GALNT14: variants seen among roughly 807,000 people sequenced by gnomAD.
GALNT14 encodes the protein UDP-GalNAc:polypeptide N-acetylgalactosaminyltransferase 14.
In GALNT14, 60 loss-of-function variants were observed where a neutral mutation model predicts 77.5. The ratio of observed to expected loss-of-function variants is 0.77; its 90% confidence interval spans 0.63 to 0.96. The LOEUF is 0.96. Ranked by LOEUF, GALNT14 falls within the 40% of genes least tolerant of loss-of-function variation. The probability of loss-of-function intolerance (pLI) is 0.00; values close to 1 mark genes in which losing one functional copy is unlikely to be tolerated. For synonymous variants in GALNT14, 280 were observed against 281.7 expected, an observed-to-expected ratio of 0.99 and a Z score of 0.06; for missense variants, 710 against 731.0, an observed-to-expected ratio of 0.97 and a Z score of 0.33.
At chr2:31,046,144 A>G (rs1673441314) in intron 1 of GALNT14, among the ~76,000 whole-genome samples, 1 of 152,232 alleles carries the variant, frequency 6.6e-6, no homozygotes, top group Non-Finnish European at 1.5e-5. Context: ...TAAAAAAGAA[A>G]AAAATGAGAA....
chr2:30,922,774 C>T (rs1300145922), intron 13 of GALNT14, among the ~76,000 whole-genome samples: 2 of 152,244 alleles, frequency 1.3e-5, no homozygotes, highest in Non-Finnish European at 2.9e-5. Flanking sequence ...ACATTAGGCC[C>T]TTTGAGGGGC....
chr2:31,000,488 G>T (rs990424682), intron 1 of GALNT14, among the ~76,000 whole-genome samples: 1 of 141,666 alleles, frequency 7.1e-6, no homozygotes, highest in Non-Finnish European at 1.6e-5. Context: ...CACAGAAATT[G>T]AGAGGACAGA....
chr2:30,936,941 T>C (rs1026159479), intron 9 of GALNT14, among the ~76,000 whole-genome samples: 1 of 152,130 alleles, frequency 6.6e-6, no homozygotes, highest in Non-Finnish European at 1.5e-5. Context: ...CAATTACACG[T>C]AGGGAAGTTG....
At chr2:30,898,439 T>G in the GALNT14 span, among the ~76,000 whole-genome samples, 1 of 152,134 alleles carries the variant, frequency 6.6e-6, no homozygotes, top group Non-Finnish European at 1.5e-5. Context: ...CATATATAGG[T>G]GCCTGGCTCT....
At chr2:30,901,701 G>A in the GALNT14 span, among the ~76,000 whole-genome samples, 18 of 151,776 alleles carry the variant, frequency 1.2e-4, no homozygotes, top group South Asian at 6.3e-4. Context: ...GTGTGTGTGT[G>A]TATATATATA....
At chr2:30,957,145 G>A (rs980554291) in intron 4 of GALNT14, among the ~76,000 whole-genome samples, 1 of 152,000 alleles carries the variant, frequency 6.6e-6, no homozygotes, top group Non-Finnish European at 1.5e-5. Context: ...TGGCCTCCCT[G>A]CTTGGCTCTG....
chr2:31,111,191 T>G (rs1014860848), intron 1 of GALNT14, among the ~76,000 whole-genome samples: 1 of 152,148 alleles, frequency 6.6e-6, no homozygotes, highest in Non-Finnish European at 1.5e-5. Flanking sequence ...CCTGTTGAGC[T>G]ACCCAGCCTG....
intron 1 of GALNT14, among the ~76,000 whole-genome samples, chr2:31,094,085 AAAG>A: frequency 6.6e-6 from 1 of 152,340 alleles, no homozygotes; most frequent in Admixed American, 6.5e-5. Flanking sequence ...AAGATCCACA[AAAG>A]AAGTGAAAAT....
At chr2:30,979,996 C>T (rs1017586442) in intron 2 of GALNT14, among the ~76,000 whole-genome samples, 6 of 152,254 alleles carry the variant, frequency 3.9e-5, no homozygotes, top group African/African-American at 1.4e-4. Flanking sequence ...TGTGGCACTG[C>T]AGTCGCCTCC....
rs1400890052 is a variant in GALNT14 at position 30,989,686 on chromosome 2, T to C, written c.299+3152A>G. ...TATATATTAGTATATATAAAAAATA[T>C]ATATTAGTATATATATAAATATATA... On this transcript the variant is annotated intron_variant, in intron 2 of 14. Coordinates refer to ENST00000349752, the MANE Select transcript of GALNT14 (RefSeq NM_024572.4). 7.7e-5 allele frequency among the ~76,000 whole-genome samples: 10 copies of C among 130,368 alleles called. No homozygotes were observed. In the East Asian group the frequency reaches 2.2e-3, roughly 29 times the overall value. 85.5% of individuals were successfully genotyped at this position (130,368 alleles called of 152,430 possible).
chr2:31,029,921 T>C (rs1672308242), intron 1 of GALNT14, among the ~76,000 whole-genome samples: 1 of 152,220 alleles, frequency 6.6e-6, no homozygotes, highest in African/African-American at 2.4e-5. Flanking sequence ...CTTGGCTGAG[T>C]TCGAGAATTT....
chr2:30,981,529 G>A (rs1668988201), intron 2 of GALNT14, among the ~76,000 whole-genome samples: 1 of 152,180 alleles, frequency 6.6e-6, no homozygotes, highest in Non-Finnish European at 1.5e-5. Context: ...TGGAGGGCAT[G>A]AGAGGGTGGA....
chr2:31,019,698 A>C (rs1393350101), intron 1 of GALNT14, among the ~76,000 whole-genome samples: 2 of 152,220 alleles, frequency 1.3e-5, no homozygotes, highest in Non-Finnish European at 2.9e-5. Flanking sequence ...GGCAGAGGAA[A>C]GAATGAATAC....
chr2:30,961,768 G>A lies in GALNT14; in HGVS notation c.399-3304C>T, dbSNP rs191882736. Among the ~76,000 whole-genome samples, 1,354 of 151,154 alleles carry A rather than the reference G, an allele frequency of 9.0e-3. 22 individuals are homozygous for A. Among genetic ancestry groups the A allele is most frequent in the African/African-American group, 0.031 (1,263 of 41,104 alleles). On this transcript the variant is annotated intron_variant, in intron 3 of 14. Coordinates refer to ENST00000349752, the MANE Select transcript of GALNT14 (RefSeq NM_024572.4). ...ACAATCTCGGCTCACTACAACCTCC[G>A]CCTCCCAGGTTCAAGTGATTCTCCT...
chr2:30,919,374 G>C (rs558820559), intron 13 of GALNT14, among the ~76,000 whole-genome samples: 1 of 152,164 alleles, frequency 6.6e-6, no homozygotes, highest in Admixed American at 6.5e-5. Flanking sequence ...GGATAGGACT[G>C]GGGGTGGAGC....
intron 1 of GALNT14, among the ~76,000 whole-genome samples, chr2:31,007,721 G>A (rs1341737394): frequency 6.6e-6 from 1 of 152,050 alleles, no homozygotes; most frequent in Non-Finnish European, 1.5e-5. Flanking sequence ...TTTGGTTTAC[G>A]TTTTACTTTA....
intron 1 of GALNT14, among the ~76,000 whole-genome samples, chr2:31,021,014 T>G (rs984986365): frequency 1.3e-5 from 2 of 152,200 alleles, no homozygotes. Context: ...CAGCCACTGC[T>G]GTCAGAAAAG....
chr2:30,890,206 A>T, the GALNT14 span, among the ~76,000 whole-genome samples: 1 of 152,124 alleles, frequency 6.6e-6, no homozygotes, highest in Non-Finnish European at 1.5e-5. Flanking sequence ...ATTTGATTTG[A>T]GTTTTATTTG....
chr2:30,996,646 A>G (rs886883151), intron 1 of GALNT14, among the ~76,000 whole-genome samples: 1 of 152,268 alleles, frequency 6.6e-6, no homozygotes, highest in African/African-American at 2.4e-5. Context: ...TGAACATCCC[A>G]GCATCCCTGG....
Sources: allele counts gnomAD v4.1 joint callset (sites outside exome capture counted in the v4.1 genomes callset), GRCh38; gene constraint gnomAD v4.1.1; transcripts MANE v1.5; gene names NCBI Gene and HGNC (gene_info 2026-07-23, HGNC 2026-07-21).